DYNC1I1: variants seen among roughly 807,000 people sequenced by gnomAD.
DYNC1I1 encodes cytoplasmic dynein 1 intermediate chain 1.
DYNC1I1 carries 43 observed loss-of-function variants against 86.6 expected under a neutral mutation model. That is an observed-to-expected ratio of 0.50 (90% CI 0.39 to 0.64). The LOEUF (loss-of-function observed/expected upper bound fraction) is 0.64. Among genes scored for constraint, DYNC1I1 ranks in the 30% least tolerant of loss-of-function variants. DYNC1I1 has a pLI of 0.00. For missense variants in DYNC1I1, 604 were observed against 788.8 expected (o/e 0.77, Z 2.81); for synonymous variants, 262 against 283.7 (o/e 0.92, Z 0.77).
At chr7:96,030,459 G>A (rs545534930) in intron 11 of DYNC1I1, among the ~76,000 whole-genome samples, 1 of 151,254 alleles carries the variant, frequency 6.6e-6, no homozygotes, top group Admixed American at 6.6e-5. Context: ...ACTCATGGAA[G>A]CACAGGCCAG....
intron 6 of DYNC1I1, among the ~76,000 whole-genome samples, chr7:95,969,987 C>T (rs750332379): frequency 3.5e-4 from 53 of 152,248 alleles, no homozygotes; most frequent in Non-Finnish European, 7.5e-4. Flanking sequence ...ATTTTTAAAG[C>T]GTAGAGGCGC....
At chr7:95,861,790 T>A (rs1246724625) in intron 5 of DYNC1I1, among the ~76,000 whole-genome samples, 1 of 152,196 alleles carries the variant, frequency 6.6e-6, no homozygotes, top group East Asian at 1.9e-4. Context: ...GAAGGTGTTC[T>A]GAGAGCTTTC....
downstream of DYNC1I1, among the ~76,000 whole-genome samples, chr7:96,100,046 G>A (rs1346114971): frequency 6.6e-6 from 1 of 152,142 alleles, no homozygotes; most frequent in Non-Finnish European, 1.5e-5. Context: ...AGAAAGATGT[G>A]CCTTTCAGAT....
intron 1 of DYNC1I1, among the ~76,000 whole-genome samples, chr7:95,772,996 G>A (rs1373038846): frequency 6.6e-6 from 1 of 152,172 alleles, no homozygotes; most frequent in Non-Finnish European, 1.5e-5. Context: ...CGGCAGAGCC[G>A]AGAGACTAGG....
At chr7:95,928,353 A>ACCT (rs1791800247) in intron 6 of DYNC1I1, among the ~76,000 whole-genome samples, 1 of 152,060 alleles carries the variant, frequency 6.6e-6, no homozygotes, top group South Asian at 2.1e-4. Context: ...TTTTAAAGAC[A>ACCT]CCTCTATTCA....
intron 5 of DYNC1I1, among the ~76,000 whole-genome samples, chr7:95,839,079 G>A (rs1237606534): frequency 2.0e-5 from 3 of 152,016 alleles, no homozygotes; most frequent in Non-Finnish European, 4.4e-5. Flanking sequence ...CACCCAGGCT[G>A]GAGTGCAGTG....
chr7:96,067,920 C>T (rs1299411597), intron 14 of DYNC1I1, among the ~76,000 whole-genome samples: 4 of 152,140 alleles, frequency 2.6e-5, no homozygotes, highest in Admixed American at 6.6e-5. Context: ...GTAACAAATA[C>T]GACTATCTAC....
At chr7:95,874,901 C>G (rs1490124876) in intron 6 of DYNC1I1, among the ~76,000 whole-genome samples, 1 of 152,242 alleles carries the variant, frequency 6.6e-6, no homozygotes, top group Admixed American at 6.5e-5. Flanking sequence ...GCTAACACAG[C>G]AAGATCATAC....
chr7:96,070,080 A>G (rs1195140590), intron 14 of DYNC1I1, among the ~76,000 whole-genome samples: 1 of 152,226 alleles, frequency 6.6e-6, no homozygotes, highest in Non-Finnish European at 1.5e-5. Flanking sequence ...AGGTAAAGAT[A>G]TCATTTAGAG....
rs552389220 is a variant in DYNC1I1 at position 96,081,992 on chromosome 7, A to C, written c.1776+1504A>C. Among the ~76,000 whole-genome samples the C allele has an allele frequency of 3.9e-5, 6 of 152,292 alleles. No individual in the cohort carries two copies. The East Asian group carries it at 1.2e-3, about 29-fold the overall frequency. On this transcript the variant is annotated intron_variant, in intron 16 of 16. Transcript: ENST00000447467. ...CCCCTTGACTACTCCTGATACCACA[A>C]GCTGAGTTCCAACAGTGACAAAAAC...
chr7:96,104,295 A>G (rs1791182046), intron 16 of DYNC1I1, among the ~76,000 whole-genome samples: 1 of 152,102 alleles, frequency 6.6e-6, no homozygotes, highest in Non-Finnish European at 1.5e-5. Context: ...TATGTTTGTT[A>G]CAAACATTTT....
At chr7:95,900,177 A>G (rs1226165755) in intron 6 of DYNC1I1, among the ~76,000 whole-genome samples, 3 of 152,138 alleles carry the variant, frequency 2.0e-5, no homozygotes, top group Admixed American at 2.0e-4. Flanking sequence ...ACACTGCTCC[A>G]TAGCCTGTGC....
intron 2 of DYNC1I1, among the ~76,000 whole-genome samples, chr7:95,809,915 G>A (rs1006824496): frequency 6.6e-6 from 1 of 152,052 alleles, no homozygotes; most frequent in African/African-American, 2.4e-5. Context: ...AATACAAATA[G>A]TGTGTTTTAT....
chr7:95,998,071 A>G (rs1793915193), intron 10 of DYNC1I1, among the ~76,000 whole-genome samples: 1 of 152,246 alleles, frequency 6.6e-6, no homozygotes, highest in African/African-American at 2.4e-5. Flanking sequence ...ACCTGTAGCA[A>G]TATCTACGTG....
rs148825560 is a variant in DYNC1I1, at chr7:96,068,155, T to A, written c.1510-7902T>A. ...TATTTTCCCACTGCCACTTCCAGCATCCTGAATCACCTCACCTCACATTTA... is the reference window on the plus strand; with the variant it reads ...TATTTTCCCACTGCCACTTCCAGCAACCTGAATCACCTCACCTCACATTTA... On this transcript the variant is annotated intron_variant, in intron 14 of 16. Coordinates refer to ENST00000447467, the MANE Select transcript of DYNC1I1 (RefSeq NM_001135556.2). Among the ~76,000 whole-genome samples the A allele has an allele frequency of 3.0e-3, 459 of 152,304 alleles. 4 individuals carry two copies. The highest frequency in any genetic ancestry group is 3.7e-3 in the Admixed American group (57 of 15,294).
chr7:95,897,950 A>G (rs1790930317), intron 6 of DYNC1I1, among the ~76,000 whole-genome samples: 1 of 152,158 alleles, frequency 6.6e-6, no homozygotes, highest in Admixed American at 6.6e-5. Flanking sequence ...TCCTGTCACT[A>G]TAATTGATGT....
At chr7:95,823,951 A>ATTATATATATATATATATATATATATAT (rs1795138045) in intron 4 of DYNC1I1, among the ~76,000 whole-genome samples, 1 of 38,478 alleles carries the variant, frequency 2.6e-5, no homozygotes, top group South Asian at 7.8e-4. Flanking sequence ...GTTCTACTAA[A>ATTATATATATATATATATATATATATAT]CTATATATAT....
At chr7:96,064,226 C>G (rs919406387) in intron 14 of DYNC1I1, among the ~76,000 whole-genome samples, 1 of 151,444 alleles carries the variant, frequency 6.6e-6, no homozygotes, top group Admixed American at 6.6e-5. Flanking sequence ...CTCTCTCTCT[C>G]TCTCTCTCTC....
At chr7:95,819,970 T>C (rs561539666) in intron 4 of DYNC1I1, among the ~76,000 whole-genome samples, 82 of 152,294 alleles carry the variant, frequency 5.4e-4, no homozygotes, top group Non-Finnish European at 1.1e-3. Context: ...GCAGGACTTT[T>C]GTGTAAGATT....
Sources: gnomAD v4.1 joint callset for allele counts (sites outside exome capture counted in the v4.1 genomes callset) on GRCh38, gnomAD v4.1.1 for gene constraint, MANE v1.5 for transcripts, NCBI Gene and HGNC (gene_info 2026-07-23, HGNC 2026-07-21) for gene names.